The following SEMA5A variants were observed in gnomAD, a reference collection of about 807,000 sequenced individuals.
The protein encoded by SEMA5A is semaphorin 5A.
SEMA5A carries 55 observed loss-of-function variants against 135.5 expected under a neutral mutation model. That is an observed-to-expected ratio of 0.41 (90% CI 0.33 to 0.51). The LOEUF is 0.51. Among genes scored for constraint, SEMA5A ranks in the 20% least tolerant of loss-of-function variants. The pLI, the probability that SEMA5A is intolerant of heterozygous loss-of-function variation, is 0.37. For missense variants in SEMA5A, 1,290 were observed against 1,419.9 expected (o/e 0.91, Z 1.47); for synonymous variants, 580 against 546.5 (o/e 1.06, Z -0.85).
At chr5:9,263,202 C>G (rs1324278936) in intron 5 of SEMA5A, among the ~76,000 whole-genome samples, 1 of 152,122 alleles carries the variant, frequency 6.6e-6, no homozygotes, top group African/African-American at 2.4e-5. Flanking sequence ...TTCCCATTCC[C>G]CATTCTTTTT....
intron 2 of SEMA5A, among the ~76,000 whole-genome samples, chr5:9,431,350 T>C (rs1355308380): frequency 6.6e-6 from 1 of 152,212 alleles, no homozygotes; most frequent in Non-Finnish European, 1.5e-5. Context: ...TTAGATACTG[T>C]TACATGAAAA....
chr5:9,384,607 G>C (rs4264917), intron 2 of SEMA5A, among the ~76,000 whole-genome samples: 1,375 of 86,802 alleles, frequency 0.016, 50 homozygotes, highest in Middle Eastern at 0.052. Flanking sequence ...TAGATAGATA[G>C]ATAGATAGAT....
intron 12 of SEMA5A, among the ~76,000 whole-genome samples, chr5:9,142,123 T>C (rs780546695): frequency 6.6e-6 from 1 of 152,180 alleles, no homozygotes; most frequent in Admixed American, 6.5e-5. Context: ...AAATATTAAA[T>C]AGTTACATGA....
intron 2 of SEMA5A, among the ~76,000 whole-genome samples, chr5:9,391,548 G>C (rs1242857187): frequency 6.6e-6 from 1 of 152,048 alleles, no homozygotes; most frequent in Non-Finnish European, 1.5e-5. Context: ...ATCACAGCTG[G>C]AGTCATTTTG....
At position 9,489,620 on chromosome 5, in the gene SEMA5A, A is replaced by G. The variant is rs146071902; in HGVS notation, c.-174-51768T>C. ...CTCTTCAAATAGCATGATCAAAATG[A>G]TTCAAATAGAATATTTTTAAGTGAA... On this transcript the variant is annotated intron_variant, in intron 1 of 22. Coordinates refer to ENST00000382496, the MANE Select transcript of SEMA5A (RefSeq NM_003966.3). 1.2e-4 allele frequency among the ~76,000 whole-genome samples: 18 copies of G among 152,344 alleles called. No individual in the cohort carries two copies. The East Asian group carries it at 2.7e-3, about 23-fold the overall frequency.
chr5:9,170,892 G>T (rs1039474534), intron 11 of SEMA5A, among the ~76,000 whole-genome samples: 5 of 152,068 alleles, frequency 3.3e-5, no homozygotes, highest in African/African-American at 1.2e-4. Flanking sequence ...CCATCCTTTG[G>T]GTGGTGCCCT....
At chr5:9,233,389 T>C (rs140691718) in intron 6 of SEMA5A, among the ~76,000 whole-genome samples, 1 of 152,326 alleles carries the variant, frequency 6.6e-6, no homozygotes, top group African/African-American at 2.4e-5. Flanking sequence ...GTTTCTATAA[T>C]GCTATGTCCA....
At chr5:9,361,855 T>A (rs1754710538) in intron 3 of SEMA5A, among the ~76,000 whole-genome samples, 1 of 152,178 alleles carries the variant, frequency 6.6e-6, no homozygotes, top group Admixed American at 6.5e-5. Flanking sequence ...ACCCTTTGAC[T>A]TGAGTTCACC....
At chr5:9,176,857 C>A (rs925685402) in intron 11 of SEMA5A, among the ~76,000 whole-genome samples, 3 of 152,188 alleles carry the variant, frequency 2.0e-5, no homozygotes, top group African/African-American at 7.2e-5. Context: ...GTCAGACTCT[C>A]CCTCTCAGGA....
chr5:9,270,050 A>C (rs1343211347), intron 5 of SEMA5A, among the ~76,000 whole-genome samples: 2 of 152,110 alleles, frequency 1.3e-5, no homozygotes, highest in Non-Finnish European at 2.9e-5. Context: ...TTATTAATAC[A>C]TGCAAGGTGG....
chr5:9,343,987 C>G (rs1753757312), intron 3 of SEMA5A, among the ~76,000 whole-genome samples: 1 of 152,228 alleles, frequency 6.6e-6, no homozygotes, highest in African/African-American at 2.4e-5. Context: ...GCTTCACACA[C>G]TTGTCTGGTG....
At chr5:9,057,710 G>A (rs1736968087) in intron 18 of SEMA5A, among the ~76,000 whole-genome samples, 1 of 152,182 alleles carries the variant, frequency 6.6e-6, no homozygotes, top group South Asian at 2.1e-4. Flanking sequence ...TGGGGAAATG[G>A]ATGTTTCTAG....
At chr5:9,382,899 T>G (rs1008428769) in intron 2 of SEMA5A, among the ~76,000 whole-genome samples, 1 of 152,250 alleles carries the variant, frequency 6.6e-6, no homozygotes, top group Non-Finnish European at 1.5e-5. Context: ...ACATTCCCAT[T>G]GACCAAAACA....
chr5:9,375,163 AC>A (rs2126456912), intron 3 of SEMA5A, among the ~76,000 whole-genome samples: 1 of 151,934 alleles, frequency 6.6e-6, no homozygotes, highest in South Asian at 2.1e-4. Context: ...TCTTCCCCCA[AC>A]CCTGCACTGA....
At chr5:9,285,269 A>C (rs1033835426) in intron 5 of SEMA5A, among the ~76,000 whole-genome samples, 1 of 152,004 alleles carries the variant, frequency 6.6e-6, no homozygotes, top group Non-Finnish European at 1.5e-5. Context: ...AACTGACCCA[A>C]CTCCACAGTG....
intron 11 of SEMA5A, among the ~76,000 whole-genome samples, chr5:9,169,609 T>A (rs755819010): frequency 6.6e-6 from 1 of 152,152 alleles, no homozygotes; most frequent in Non-Finnish European, 1.5e-5. Flanking sequence ...TCATTTTCCA[T>A]CTGCTCTTGA....
intron 3 of SEMA5A, among the ~76,000 whole-genome samples, chr5:9,353,358 G>C (rs1754290738): frequency 9.8e-6 from 1 of 101,858 alleles, no homozygotes; most frequent in African/African-American, 3.3e-5. Flanking sequence ...GAAAGGGAAG[G>C]AAAGGAAAGG....
intron 1 of SEMA5A, among the ~76,000 whole-genome samples, chr5:9,543,749 AAAGTTTTTACAAGAAAG>A: frequency 6.6e-6 from 1 of 152,226 alleles, no homozygotes; most frequent in Non-Finnish European, 1.5e-5. Context: ...TTCTATCTCC[AAAGTTTTTACAAGAAAG>A]AAACTCAAGG....
Position 9,103,822 on chromosome 5 carries a change from G to A in SEMA5A, c.2073+4318C>T, listed in dbSNP as rs533962515. 3.9e-4 allele frequency among the ~76,000 whole-genome samples: 59 copies of A among 152,202 alleles called. 1 individual carries two copies. Among genetic ancestry groups the A allele is most frequent in the African/African-American group, 1.2e-3 (49 of 41,536 alleles). On this transcript the variant is annotated intron_variant, in intron 16 of 22. Coordinates refer to ENST00000382496, the MANE Select transcript of SEMA5A (RefSeq NM_003966.3). ...TATATCTTTCTTCCTTTCATGTGTT[G>A]TAATTTTCAGCCAAAATGTAGAGTT...
Sources: gnomAD v4.1 joint callset for allele counts (sites outside exome capture counted in the v4.1 genomes callset) on GRCh38, gnomAD v4.1.1 for gene constraint, MANE v1.5 for transcripts, NCBI Gene and HGNC (gene_info 2026-07-23, HGNC 2026-07-21) for gene names.